Variants in CSMD1 observed in about 807,000 individuals in gnomAD.
The protein encoded by CSMD1 is CUB and sushi domain-containing protein 1.
Under a neutral mutation model 417.5 loss-of-function variants are expected in CSMD1, and 213 were observed. That is an observed-to-expected ratio of 0.51 (90% CI 0.46 to 0.57). The LOEUF (loss-of-function observed/expected upper bound fraction) is 0.57. CSMD1 is among the 20% of genes least tolerant of loss of function. The pLI is 0.00. For missense variants in CSMD1, 6,923 were observed against 4,529.7 expected (o/e 1.53, Z -15.17); for synonymous variants, 2,862 against 1,736.8 (o/e 1.65, Z -16.11).
chr8:4,397,787 A>G (rs1585012827), intron 3 of CSMD1, among the ~76,000 whole-genome samples: 1 of 152,168 alleles, frequency 6.6e-6, no homozygotes, highest in Admixed American at 6.5e-5. Context: ...ACTGACATGT[A>G]TCTCAATATT....
At chr8:3,547,879 T>G (rs530010092) in intron 10 of CSMD1, among the ~76,000 whole-genome samples, 4 of 152,334 alleles carry the variant, frequency 2.6e-5, no homozygotes. Flanking sequence ...AATGTCATTT[T>G]AAGAATAAGA....
intron 3 of CSMD1, among the ~76,000 whole-genome samples, chr8:4,385,681 C>A (rs2128921063): frequency 6.6e-6 from 1 of 152,102 alleles, no homozygotes; most frequent in East Asian, 1.9e-4. Flanking sequence ...AAAGCACATG[C>A]TAAAAATAGT....
chr8:3,669,455 T>G (rs1798873217), intron 7 of CSMD1, among the ~76,000 whole-genome samples: 1 of 152,162 alleles, frequency 6.6e-6, no homozygotes, highest in Admixed American at 6.5e-5. Context: ...GTCCTGTTCA[T>G]TCATTCATTC....
chr8:3,735,319 C>T lies in CSMD1; in HGVS notation c.931+18611G>A, dbSNP rs564038888. ...GGCAAGATAAAAAACAAACAAAACA[C>T]ACAAACACACACACACACAACCAGA... On this transcript the variant is annotated intron_variant, in intron 6 of 69. Transcript: ENST00000635120. Among the ~76,000 whole-genome samples, 29 of 93,690 alleles carry T rather than the reference C, an allele frequency of 3.1e-4. No individual in the cohort carries two copies. In the South Asian group the frequency reaches 0.012, roughly 38 times the overall value. 61.5% of individuals were successfully genotyped at this position (93,690 alleles called of 152,430 possible). A position where few individuals can be genotyped will look rare whatever the true frequency, so the allele number is the denominator to read the frequency against.
intron 25 of CSMD1, among the ~76,000 whole-genome samples, chr8:3,297,128 G>C (rs909720843): frequency 1.3e-5 from 2 of 152,088 alleles, no homozygotes; most frequent in Non-Finnish European, 2.9e-5. Flanking sequence ...AAAATGTGCA[G>C]GACTTTCACC....
At chr8:4,537,070 A>T (rs145129392) in intron 2 of CSMD1, among the ~76,000 whole-genome samples, 89 of 152,330 alleles carry the variant, frequency 5.8e-4, no homozygotes, top group African/African-American at 1.9e-3. Context: ...ACAATCAAAG[A>T]CAGAAAATTC....
chr8:4,693,377 G>T (rs570743894), intron 1 of CSMD1, among the ~76,000 whole-genome samples: 1 of 152,224 alleles, frequency 6.6e-6, no homozygotes. Flanking sequence ...GGAGAAAACA[G>T]CTGGATGGTA....
chr8:4,096,980 A>C (rs1190704782), intron 3 of CSMD1, among the ~76,000 whole-genome samples: 2 of 152,224 alleles, frequency 1.3e-5, no homozygotes, highest in Non-Finnish European at 2.9e-5. Flanking sequence ...GTAAATTCAA[A>C]GGGATGGGCA....
chr8:3,417,489 G>A (rs1478443323), intron 12 of CSMD1, among the ~76,000 whole-genome samples: 2 of 152,088 alleles, frequency 1.3e-5, no homozygotes, highest in African/African-American at 2.4e-5. Context: ...TTTCTCATGT[G>A]CTATTTGACT....
At chr8:3,274,526 G>A (rs1265854287) in intron 26 of CSMD1, among the ~76,000 whole-genome samples, 5 of 152,004 alleles carry the variant, frequency 3.3e-5, no homozygotes, top group Non-Finnish European at 5.9e-5. Context: ...TTGACAGTGG[G>A]GTGTTAAAGT....
intron 3 of CSMD1, among the ~76,000 whole-genome samples, chr8:4,324,525 C>A (rs1369821236): frequency 6.6e-6 from 1 of 152,108 alleles, no homozygotes; most frequent in Non-Finnish European, 1.5e-5. Context: ...TCTTCTCCAC[C>A]CCCAGGAGGT....
chr8:3,370,140 T>A (rs779941841), intron 18 of CSMD1, among the ~76,000 whole-genome samples: 2 of 152,166 alleles, frequency 1.3e-5, no homozygotes, highest in African/African-American at 2.4e-5. Flanking sequence ...AAGATATCAA[T>A]AATTTAACCT....
intron 3 of CSMD1, among the ~76,000 whole-genome samples, chr8:4,087,073 G>A (rs186987424): frequency 5.9e-4 from 90 of 152,286 alleles, no homozygotes; most frequent in Non-Finnish European, 9.1e-4. Context: ...AGAGAGATGC[G>A]TCATCCAAGC....
At chr8:3,648,024 T>C (rs1585015175) in intron 7 of CSMD1, among the ~76,000 whole-genome samples, 1 of 152,352 alleles carries the variant, frequency 6.6e-6, no homozygotes, top group Middle Eastern at 3.4e-3. Flanking sequence ...CTTGTGCAGC[T>C]AATCAATGAA....
At chr8:4,667,918 T>A (rs1375465476) in intron 1 of CSMD1, among the ~76,000 whole-genome samples, 2 of 152,240 alleles carry the variant, frequency 1.3e-5, no homozygotes, top group African/African-American at 4.8e-5. Flanking sequence ...GTGGCCATCT[T>A]TGCCTGGTTC....
At chr8:3,306,022 C>T (rs1004557318) in intron 25 of CSMD1, among the ~76,000 whole-genome samples, 1 of 152,034 alleles carries the variant, frequency 6.6e-6, no homozygotes, top group Non-Finnish European at 1.5e-5. Context: ...AAACACCATC[C>T]TAAGATGTTT....
intron 2 of CSMD1, among the ~76,000 whole-genome samples, chr8:4,460,404 T>A (rs1161124600): frequency 6.6e-6 from 1 of 152,086 alleles, no homozygotes; most frequent in Non-Finnish European, 1.5e-5. Flanking sequence ...ATAAATAGCC[T>A]CACCTTCCAC....
intron 42 of CSMD1, among the ~76,000 whole-genome samples, chr8:3,114,467 A>C (rs1450630683): frequency 2.7e-5 from 4 of 150,098 alleles, no homozygotes; most frequent in Non-Finnish European, 5.9e-5. Flanking sequence ...ATTAATATAA[A>C]AATATCTTGA....
At chr8:4,333,900 G>C (rs995347442) in intron 3 of CSMD1, among the ~76,000 whole-genome samples, 7 of 151,858 alleles carry the variant, frequency 4.6e-5, no homozygotes, top group African/African-American at 1.7e-4. Flanking sequence ...ATTTCTTTTT[G>C]TTTTGTTTTG....
Sources: gnomAD v4.1 joint callset for allele counts (sites outside exome capture counted in the v4.1 genomes callset) on GRCh38, gnomAD v4.1.1 for gene constraint, MANE v1.5 for transcripts, NCBI Gene and HGNC (gene_info 2026-07-23, HGNC 2026-07-21) for gene names.